MAGI2: variants seen among roughly 807,000 people sequenced by gnomAD.
MAGI2 encodes membrane associated guanylate kinase, WW and PDZ domain containing 2.
Under a neutral mutation model 133.3 loss-of-function variants are expected in MAGI2, and 35 were observed. The observed-to-expected ratio is 0.26, with a 90% CI of 0.20 to 0.35. The LOEUF (loss-of-function observed/expected upper bound fraction) is 0.35, where lower values mean the gene tolerates loss of function less well. Among genes scored for constraint, MAGI2 ranks in the 10% least tolerant of loss-of-function variants. The pLI is 1.00. For synonymous variants in MAGI2, 729 were observed against 710.6 expected, an observed-to-expected ratio of 1.03 and a Z score of -0.41; for missense variants, 1,636 against 1,863.4, an observed-to-expected ratio of 0.88 and a Z score of 2.25.
chr7:78,515,457 G>A (rs1323897372), intron 4 of MAGI2, among the ~76,000 whole-genome samples: 1 of 152,076 alleles, frequency 6.6e-6, no homozygotes. Flanking sequence ...AGTGTAAAAT[G>A]AGCATGAAAG....
At chr7:78,242,837 G>A (rs1671445488) in intron 10 of MAGI2, among the ~76,000 whole-genome samples, 1 of 152,170 alleles carries the variant, frequency 6.6e-6, no homozygotes, top group African/African-American at 2.4e-5. Context: ...CAGCACTTTG[G>A]GAGGCTGAGG....
intron 2 of MAGI2, among the ~76,000 whole-genome samples, chr7:78,942,798 T>C (rs1801091794): frequency 6.6e-6 from 1 of 152,044 alleles, no homozygotes; most frequent in South Asian, 2.1e-4. Flanking sequence ...ATGTAAATGT[T>C]ACATAGACTA....
chr7:78,913,633 A>G (rs754559955), intron 2 of MAGI2, among the ~76,000 whole-genome samples: 5 of 152,168 alleles, frequency 3.3e-5, no homozygotes, highest in Non-Finnish European at 7.3e-5. Context: ...TTGTCTGTCT[A>G]AAGACTCTGT....
chr7:78,023,769 G>A (rs1011601897), intron 21 of MAGI2, among the ~76,000 whole-genome samples: 1 of 152,196 alleles, frequency 6.6e-6, no homozygotes, highest in Non-Finnish European at 1.5e-5. Context: ...ACTTAACATA[G>A]TTGGCCCTCC....
intron 1 of MAGI2, among the ~76,000 whole-genome samples, chr7:79,023,386 TG>T (rs1809540880): frequency 6.6e-6 from 1 of 152,132 alleles, no homozygotes; most frequent in South Asian, 2.1e-4. Context: ...TCATAATGAA[TG>T]GGCAAAAGCT....
chr7:79,452,120 C>A (rs1023859472), intron 1 of MAGI2, among the ~76,000 whole-genome samples: 1 of 152,142 alleles, frequency 6.6e-6, no homozygotes, highest in African/African-American at 2.4e-5. Context: ...GCTCCTCCCC[C>A]AAAACACGCC....
chr7:78,509,723 G>A (rs1795408110), intron 4 of MAGI2, among the ~76,000 whole-genome samples: 1 of 152,126 alleles, frequency 6.6e-6, no homozygotes, highest in Non-Finnish European at 1.5e-5. Flanking sequence ...TTCCCACCCA[G>A]TTTCATTAAA....
chr7:78,258,438 C>A (rs1793209832), intron 9 of MAGI2, among the ~76,000 whole-genome samples: 1 of 152,178 alleles, frequency 6.6e-6, no homozygotes, highest in Non-Finnish European at 1.5e-5. Context: ...ATACTAACAT[C>A]CAACTTAATG....
intron 1 of MAGI2, chr7:79,353,276 G>A (rs1011207864): frequency 3.0e-5 from 10 of 328,192 alleles, no homozygotes; most frequent in East Asian, 2.4e-4. Context: ...AGCCCTGGCA[G>A]GGTGGTTTCC....
At chr7:79,249,711 T>C (rs760132670) in intron 1 of MAGI2, among the ~76,000 whole-genome samples, 39 of 152,094 alleles carry the variant, frequency 2.6e-4, no homozygotes, top group Non-Finnish European at 4.4e-4. Flanking sequence ...CTAAATGTTA[T>C]CAAACATATA....
chr7:78,373,081 C>G (rs10230410), intron 6 of MAGI2, among the ~76,000 whole-genome samples: 9 of 152,072 alleles, frequency 5.9e-5, no homozygotes, highest in African/African-American at 2.2e-4. Flanking sequence ...CCTCAGCCTT[C>G]TGAGTACCTG....
chr7:79,129,120 G>A (rs1820687749), intron 1 of MAGI2, among the ~76,000 whole-genome samples: 1 of 152,060 alleles, frequency 6.6e-6, no homozygotes, highest in Non-Finnish European at 1.5e-5. Context: ...ATCCACCTGT[G>A]GCCTCCAAAG....
chr7:78,179,730 T>C (rs13225191), intron 13 of MAGI2, among the ~76,000 whole-genome samples: 38,421 of 152,176 alleles, frequency 0.25, 5,987 homozygotes, highest in South Asian at 0.36. Context: ...TTAGAAATTA[T>C]ATAATCAGTC....
chr7:79,399,079 C>CTTTTTTTTTTT (rs1197197628), intron 1 of MAGI2, among the ~76,000 whole-genome samples: 3 of 114,612 alleles, frequency 2.6e-5, no homozygotes, highest in Admixed American at 8.9e-5. Context: ...AGTATTATTT[C>CTTTTTTTTTTT]TTTTTTTTTT....
At chr7:78,907,932 T>C (rs1423086910) in intron 2 of MAGI2, among the ~76,000 whole-genome samples, 1 of 152,182 alleles carries the variant, frequency 6.6e-6, no homozygotes. Context: ...TAGCTTTATC[T>C]GAGGGATGTA....
chr7:78,419,654 T>C (rs1273898536), intron 6 of MAGI2, among the ~76,000 whole-genome samples: 3 of 151,240 alleles, frequency 2.0e-5, no homozygotes, highest in Non-Finnish European at 4.4e-5. Flanking sequence ...TAAGCATTTT[T>C]TCAACCTTTG....
chr7:78,955,725 C>CTTTCTTTCT (rs1393977701), intron 2 of MAGI2, among the ~76,000 whole-genome samples: 3 of 23,192 alleles, frequency 1.3e-4, no homozygotes, highest in African/African-American at 4.3e-4. Flanking sequence ...CTTTCTTTCT[C>CTTTCTTTCT]TTTCTTTCTT....
intron 3 of MAGI2, among the ~76,000 whole-genome samples, chr7:78,572,905 G>C (rs1052039055): frequency 6.7e-6 from 1 of 149,774 alleles, no homozygotes; most frequent in Non-Finnish European, 1.5e-5. Flanking sequence ...CAGGTGATCC[G>C]CCTCACTCGG....
At position 79,150,804 on chromosome 7, in the gene MAGI2, C is replaced by A. The variant is rs568304916; in HGVS notation, c.302-143598G>T. ...TTTTTTCAATGAGAAGACTACAGAA[C>A]CTATAGTAACTAAACCCTACTAGAT... is the stretch of plus-strand genomic sequence containing the variant. On this transcript the variant is annotated intron_variant, in intron 1 of 21. Transcript: ENST00000354212. Among the ~76,000 whole-genome samples the A allele has an allele frequency of 9.9e-4, 150 of 151,740 alleles. 1 individual carries two copies. The South Asian group carries it at 0.031, about 31-fold the overall frequency.
Sources: allele counts gnomAD v4.1 joint callset (sites outside exome capture counted in the v4.1 genomes callset), GRCh38; gene constraint gnomAD v4.1.1; transcripts MANE v1.5; gene names NCBI Gene and HGNC (gene_info 2026-07-23, HGNC 2026-07-21).